ENTHD1: variants seen among roughly 807,000 people sequenced by gnomAD.
ENTHD1 encodes the protein ENTH domain-containing protein 1.
Under a neutral mutation model 39.1 loss-of-function variants are expected in ENTHD1, and 23 were observed. The ratio of observed to expected loss-of-function variants is 0.59; its 90% CI spans 0.42 to 0.83. The LOEUF (loss-of-function observed/expected upper bound fraction) is 0.83, where lower values mean the gene tolerates loss of function less well. Among genes scored for constraint, ENTHD1 ranks in the 40% least tolerant of loss-of-function variants. ENTHD1 has a pLI of 0.00. For missense variants in ENTHD1, 624 were observed against 705.4 expected (o/e 0.88, Z 1.31); for synonymous variants, 230 against 258.2 (o/e 0.89, Z 1.05).
chr22:39,869,693 T>C (rs2066222582), intron 2 of ENTHD1, among the ~76,000 whole-genome samples: 1 of 150,322 alleles, frequency 6.7e-6, no homozygotes. Context: ...ATGAAATCAA[T>C]GTTTCTATAG....
chr22:39,749,757 G>A (rs1214488016), intron 6 of ENTHD1, among the ~76,000 whole-genome samples: 1 of 152,232 alleles, frequency 6.6e-6, no homozygotes, highest in Non-Finnish European at 1.5e-5. Flanking sequence ...GAGGGGTCCT[G>A]TCCTCGGGAC....
chr22:39,762,829 T>G (rs1011764299), intron 6 of ENTHD1, among the ~76,000 whole-genome samples: 1 of 152,192 alleles, frequency 6.6e-6, no homozygotes, highest in African/African-American at 2.4e-5. Flanking sequence ...ATATTAATAT[T>G]AATCATAGTT....
At chr22:39,759,088 CTT>C (rs1478386780) in intron 6 of ENTHD1, among the ~76,000 whole-genome samples, 3 of 152,116 alleles carry the variant, frequency 2.0e-5, no homozygotes, top group Non-Finnish European at 2.9e-5. Flanking sequence ...CTTGAAATGT[CTT>C]TGTCAGATTT....
chr22:39,744,170 A>G lies in ENTHD1; in HGVS notation c.1333T>C (p.Ser445Pro), dbSNP rs2065085277. Residue 445 changes from serine (S) to proline (P), a missense_variant, in exon 7 of 7, where the codon TCC (serine) becomes CCC (proline). By Grantham distance (74) the Ser-to-Pro change is moderately conservative. Coordinates refer to ENST00000325157, the MANE Select transcript of ENTHD1 (RefSeq NM_152512.4). ...HLLSPILAGP[S>P]FWTLSHQQLS... ...TGTTGATGGGACAGAGTCCAGAAGGAAGGTCCGGCCAGAATTGGTGATAAG... is the reference window on the plus strand; with the variant it reads ...TGTTGATGGGACAGAGTCCAGAAGGGAGGTCCGGCCAGAATTGGTGATAAG... 1 of 1,614,048 alleles carries G rather than the reference A, an allele frequency of 6.2e-7. No homozygotes were observed. Among genetic ancestry groups the G allele is most frequent in the East Asian group, 2.2e-5 (1 of 44,894 alleles).
At chr22:39,887,090 T>C (rs1011629604) in intron 2 of ENTHD1, among the ~76,000 whole-genome samples, 4 of 152,202 alleles carry the variant, frequency 2.6e-5, no homozygotes, top group Non-Finnish European at 5.9e-5. Flanking sequence ...TTGGAAACTA[T>C]AACCGTCCCA....
intron 5 of ENTHD1, among the ~76,000 whole-genome samples, chr22:39,799,361 TG>T (rs1297296062): frequency 2.6e-5 from 4 of 152,196 alleles, no homozygotes; most frequent in African/African-American, 9.6e-5. Flanking sequence ...TCCATTCCCC[TG>T]GGCTGCAGGA....
chr22:39,781,502 A>G (rs1569137603), intron 5 of ENTHD1, among the ~76,000 whole-genome samples: 1 of 152,170 alleles, frequency 6.6e-6, no homozygotes, highest in Non-Finnish European at 1.5e-5. Flanking sequence ...TATGGGATAC[A>G]GCAAAAACAG....
intron 2 of ENTHD1, among the ~76,000 whole-genome samples, chr22:39,882,222 C>T (rs79920793): frequency 1.5e-3 from 224 of 152,116 alleles, no homozygotes; most frequent in Middle Eastern, 3.4e-3. Context: ...TAAAATGAGA[C>T]ATATAAAATC....
At chr22:39,830,137 G>A (rs928060509) in intron 4 of ENTHD1, among the ~76,000 whole-genome samples, 3 of 152,146 alleles carry the variant, frequency 2.0e-5, no homozygotes, top group South Asian at 2.1e-4. Context: ...GTGCAGTGGT[G>A]TAATCTTAGC....
intron 5 of ENTHD1, among the ~76,000 whole-genome samples, chr22:39,799,645 C>A (rs1384262679): frequency 6.6e-6 from 1 of 152,228 alleles, no homozygotes; most frequent in Admixed American, 6.5e-5. Flanking sequence ...TTCCTGGTGG[C>A]TCCAGCCCAT....
intron 2 of ENTHD1, among the ~76,000 whole-genome samples, chr22:39,886,069 T>A (rs577644114): frequency 8.3e-4 from 115 of 139,296 alleles, no homozygotes; most frequent in African/African-American, 2.4e-3. Context: ...TTTTTTTTTT[T>A]AAAAAAAGGG....
In ENTHD1 at chr22:39,821,042, T is replaced by C. The variant is rs764130053; in HGVS notation, c.783A>G (p.Pro261=). 8 of 1,614,064 alleles carry C rather than the reference T, an allele frequency of 5.0e-6. No homozygotes were observed. The highest frequency in any genetic ancestry group is 6.8e-6 in the Non-Finnish European group (8 of 1,179,958). The change falls in exon 5 of 7, where the codon CCA becomes CCG. Residue 261 remains proline (P), a synonymous_variant. Transcript: ENST00000325157. ...CTTCTGCTTCTGACAAGCAAGTGATTGGAGAGACAATGGAAGGAGGTGTTG... is the reference window on the plus strand; with the variant it reads ...CTTCTGCTTCTGACAAGCAAGTGATCGGAGAGACAATGGAAGGAGGTGTTG... The part of the protein sequence containing the change: ...LLATPPSIVS[P]ITCLSEAEEV...
Position 39,744,292 on chromosome 22 carries a change from T to G in ENTHD1, c.1220-9A>C, listed in dbSNP as rs775390948. On this transcript the variant is annotated splice_polypyrimidine_tract_variant and intron_variant, in intron 6 of 6. Transcript: ENST00000325157. Reference sequence around the variant, plus strand: ...CTCAGAAGCAGTTGAAACTAAAATGTGTAAATGAGAGAAAAAAGATTTATG... The same window carrying G: ...CTCAGAAGCAGTTGAAACTAAAATGGGTAAATGAGAGAAAAAAGATTTATG... The G allele has an allele frequency of 3.8e-6, 6 of 1,566,002 alleles. No homozygotes were observed. The South Asian group carries it at 7.2e-5, about 19-fold the overall frequency.
At chr22:39,817,768 A>G (rs1414996112) in intron 5 of ENTHD1, among the ~76,000 whole-genome samples, 1 of 152,222 alleles carries the variant, frequency 6.6e-6, no homozygotes, top group Non-Finnish European at 1.5e-5. Flanking sequence ...TCTTCTGGGA[A>G]CATAGTGAAA....
intron 5 of ENTHD1, among the ~76,000 whole-genome samples, chr22:39,811,789 C>A (rs1601610591): frequency 6.6e-6 from 1 of 151,892 alleles, no homozygotes; most frequent in African/African-American, 2.4e-5. Context: ...ACCATCCTGG[C>A]TAACACAGTG....
intron 5 of ENTHD1, among the ~76,000 whole-genome samples, chr22:39,770,463 G>T (rs948891616): frequency 6.6e-6 from 1 of 151,932 alleles, no homozygotes; most frequent in African/African-American, 2.4e-5. Flanking sequence ...ATTAGCACCC[G>T]CCAACAAGCA....
intron 1 of ENTHD1, among the ~76,000 whole-genome samples, chr22:39,890,361 G>A (rs1601674816): frequency 6.8e-6 from 1 of 147,858 alleles, no homozygotes; most frequent in African/African-American, 2.7e-5. Flanking sequence ...TCAAGCAGGA[G>A]GGTTTTTTTT....
chr22:39,836,022 T>G, intron 3 of ENTHD1, 64 bp from the exon 4 acceptor site: 1 of 1,238,642 alleles, frequency 8.1e-7, no homozygotes, highest in Non-Finnish European at 1.1e-6. Context: ...TTATATTAGT[T>G]CCCAATTTGT....
chr22:39,765,403 A>G lies in ENTHD1; in HGVS notation c.1039T>C (p.Leu347=), dbSNP rs1440416535. 1.2e-6 allele frequency: 2 copies of G among 1,614,028 alleles called. No individual in the cohort carries two copies. The highest frequency in any genetic ancestry group is 2.2e-5 in the South Asian group (2 of 91,080). ...GTAGAATCTGACTTTGATACCCTTA[A>G]GTCGGGGCTGATAAACTCCTCTTTA... The part of the protein sequence containing the change: ...SSKEEFISPD[L]RVSKSDSTFH... The change falls in exon 6 of 7, where the codon TTA becomes CTA. Residue 347 remains leucine, a synonymous_variant. Transcript: ENST00000325157.
Sources: allele counts gnomAD v4.1 joint callset (sites outside exome capture counted in the v4.1 genomes callset), GRCh38; gene constraint gnomAD v4.1.1; transcripts MANE v1.5; gene names NCBI Gene and HGNC (gene_info 2026-07-23, HGNC 2026-07-21).